ZNF423: variants seen among roughly 807,000 people sequenced by gnomAD.
The protein encoded by ZNF423 is zinc finger protein 423.
ZNF423 carries 12 observed loss-of-function variants against 95.8 expected under a neutral mutation model. The observed-to-expected ratio is 0.13, with a 90% confidence interval of 0.08 to 0.20. The LOEUF is 0.20. Ranked by LOEUF, ZNF423 falls within the 10% of genes least tolerant of loss-of-function variation. The pLI, the probability that ZNF423 is intolerant of heterozygous loss-of-function variation, is 1.00. For missense variants in ZNF423, 1,316 were observed against 1,737.1 expected (o/e 0.76, Z 4.31); for synonymous variants, 749 against 711.9 (o/e 1.05, Z -0.83).
intron 3 of ZNF423, among the ~76,000 whole-genome samples, chr16:49,651,934 G>A (rs1216079791): frequency 1.3e-5 from 2 of 152,134 alleles, no homozygotes; most frequent in Non-Finnish European, 2.9e-5. Context: ...TTCAAACAAA[G>A]CAAACTCAAC....
In ZNF423 at chr16:49,855,540, C is replaced by G. The variant is rs2035355447; in HGVS notation, c.40+195G>C. On this transcript the variant is annotated intron_variant, in intron 1 of 7. Transcript: ENST00000563137. This position sits in a 1 kb window ranked among gnomAD's most constrained non-coding sequence, Gnocchi z 4.7. The stretch of plus-strand genomic sequence containing the variant: ...CCGCCGCCGCCGCCGCCGCCGCCTC[C>G]GCCTCCTGCTCCCGGCTTCCTCCTC... 6.6e-6 allele frequency among the ~76,000 whole-genome samples: 1 copy of G among 150,688 alleles called. No homozygotes were observed. Among genetic ancestry groups the G allele is most frequent in the East Asian group, 2.0e-4 (1 of 5,034 alleles).
At chr16:49,826,741 T>C (rs1256921994) in intron 1 of ZNF423, 1 of 152,216 alleles carries the variant, frequency 6.6e-6, no homozygotes, top group Admixed American at 6.5e-5. Flanking sequence ...CCGACAGTTC[T>C]TTCCAGCTGT....
intron 3 of ZNF423, among the ~76,000 whole-genome samples, chr16:49,651,679 T>C (rs1200325518): frequency 1.3e-5 from 2 of 152,144 alleles, no homozygotes; most frequent in African/African-American, 2.4e-5. Context: ...AACTATAGAG[T>C]TGTTTTAAAG....
At chr16:49,589,306 C>A (rs1596681393) in intron 5 of ZNF423, among the ~76,000 whole-genome samples, 1 of 152,286 alleles carries the variant, frequency 6.6e-6, no homozygotes, top group East Asian at 1.9e-4. Flanking sequence ...TTGAGCCATC[C>A]ATCTGCTGTC....
intron 7 of ZNF423, among the ~76,000 whole-genome samples, chr16:49,504,994 C>A (rs1967573918): frequency 6.6e-6 from 1 of 152,162 alleles, no homozygotes; most frequent in Non-Finnish European, 1.5e-5. Flanking sequence ...TTTGCTCTGG[C>A]AGGGCAGGTG....
At chr16:49,621,509 T>C (rs1878031849) in intron 5 of ZNF423, among the ~76,000 whole-genome samples, 1 of 152,124 alleles carries the variant, frequency 6.6e-6, no homozygotes, top group South Asian at 2.1e-4. Context: ...AAGGCCGGTT[T>C]ACCGCCCCGC....
At chr16:49,512,297 C>T (rs1344983549) in intron 7 of ZNF423, among the ~76,000 whole-genome samples, 1 of 152,212 alleles carries the variant, frequency 6.6e-6, no homozygotes, top group Admixed American at 6.5e-5. Context: ...CCCACCACCT[C>T]CAGACCACAG....
upstream of ZNF423, chr16:49,856,215 C>G (rs1484462207): frequency 1.4e-5 from 2 of 139,628 alleles, no homozygotes; most frequent in Non-Finnish European, 3.1e-5. Context: ...CTCCCCCACC[C>G]TACCGCCACC....
chr16:49,504,629 AG>A (rs986543473), intron 7 of ZNF423, among the ~76,000 whole-genome samples: 23 of 152,152 alleles, frequency 1.5e-4, no homozygotes, highest in Admixed American at 3.3e-4. Context: ...GGTAAGAGAA[AG>A]GGTTGCTGCA....
chr16:49,495,888 G>A (rs765732536), intron 7 of ZNF423, among the ~76,000 whole-genome samples: 9 of 152,206 alleles, frequency 5.9e-5, no homozygotes, highest in Admixed American at 3.3e-4. Context: ...TTGCTTAGGC[G>A]TGGGACCCTG....
chr16:49,708,833 C>T (rs1179904625), intron 3 of ZNF423, among the ~76,000 whole-genome samples: 1 of 152,184 alleles, frequency 6.6e-6, no homozygotes, highest in East Asian at 1.9e-4. Flanking sequence ...ATGCCTGCCT[C>T]CTCCTGCTTC....
At chr16:49,741,541 C>A (rs1258265517) in intron 2 of ZNF423, among the ~76,000 whole-genome samples, 3 of 151,956 alleles carry the variant, frequency 2.0e-5, no homozygotes, top group Non-Finnish European at 4.4e-5. Context: ...AGGAAATCCA[C>A]CGTTCTCTAT....
At chr16:49,505,743 C>T (rs1479680522) in intron 7 of ZNF423, among the ~76,000 whole-genome samples, 1 of 152,200 alleles carries the variant, frequency 6.6e-6, no homozygotes, top group Non-Finnish European at 1.5e-5. Context: ...AGGGTGATCC[C>T]GTCACCCAGA....
At chr16:49,778,877 C>T (rs2143757896) in intron 2 of ZNF423, among the ~76,000 whole-genome samples, 1 of 152,324 alleles carries the variant, frequency 6.6e-6, no homozygotes, top group African/African-American at 2.4e-5. Context: ...AGGGGTTGAG[C>T]ACTCCATACG....
intron 5 of ZNF423, among the ~76,000 whole-genome samples, chr16:49,571,619 G>A (rs10451128): frequency 0.11 from 16,944 of 152,136 alleles, 1,130 homozygotes; most frequent in East Asian, 0.27. Context: ...CAATGGGAGC[G>A]ACTGAAGGCT....
At chr16:49,666,533 C>T (rs2030554838) in intron 3 of ZNF423, among the ~76,000 whole-genome samples, 1 of 152,234 alleles carries the variant, frequency 6.6e-6, no homozygotes. Context: ...CACAGACACA[C>T]AGTTCTATAT....
intron 3 of ZNF423, among the ~76,000 whole-genome samples, chr16:49,677,265 A>AGG: frequency 1.7e-5 from 1 of 59,378 alleles, no homozygotes; most frequent in Non-Finnish European, 3.4e-5. Context: ...AGAGAAGAGA[A>AGG]GAGAAGAGAA....
rs189700736 is a variant in ZNF423, at chr16:49,749,617, G to C, written c.101-18646C>G. 2.0e-4 allele frequency among the ~76,000 whole-genome samples: 30 copies of C among 152,342 alleles called. No homozygotes were observed. The East Asian group carries it at 3.9e-3, about 20-fold the overall frequency. On this transcript the variant is annotated intron_variant, in intron 2 of 7. Coordinates refer to ENST00000563137, the MANE Select transcript of ZNF423 (RefSeq NM_001379286.1). ...GCGCAGCAATCGCCGTGTGCGAATG[G>C]GATCCTGCGCCACACGCTGATTTGT... is the stretch of plus-strand genomic sequence containing the variant.
chr16:49,491,000 G>A lies in ZNF423; in HGVS notation c.*275C>T. 1 of 465,894 alleles carries A rather than the reference G, an allele frequency of 2.1e-6. No homozygotes were observed. The highest frequency in any genetic ancestry group is 4.4e-5 in the South Asian group (1 of 22,888). 28.9% of individuals were successfully genotyped at this position (465,894 alleles called of 1,614,324 possible). A position where few individuals can be genotyped will look rare whatever the true frequency, so the allele number is the denominator to read the frequency against. ...AAAGGACAATAGCCTTAAAAAGCAG[G>A]TTTCTCTAACTCTAGAAATGTAGTC... is the stretch of plus-strand genomic sequence containing the variant. On this transcript the variant is annotated 3_prime_UTR_variant, in exon 8 of 8. Transcript: ENST00000563137.
Sources: gnomAD v4.1 joint callset for allele counts (sites outside exome capture counted in the v4.1 genomes callset) on GRCh38, gnomAD v4.1.1 for gene constraint, Gnocchi (gnomAD v3.1) non-coding constraint, MANE v1.5 for transcripts, NCBI Gene and HGNC (gene_info 2026-07-23, HGNC 2026-07-21) for gene names.